LARP1B: variants seen among roughly 807,000 people sequenced by gnomAD.
LARP1B encodes La ribonucleoprotein 1B, also known as la-related protein 1B.
In LARP1B, 76 loss-of-function variants were observed where a neutral mutation model predicts 114.2. That is an observed-to-expected ratio of 0.67 (90% CI 0.55 to 0.81). The LOEUF (loss-of-function observed/expected upper bound fraction) is 0.81, where lower values mean the gene tolerates loss of function less well. Among genes scored for constraint, LARP1B ranks in the 30% least tolerant of loss-of-function variants. The pLI is 0.00. For missense variants in LARP1B, 1,014 were observed against 1,075.8 expected (o/e 0.94, Z 0.80); for synonymous variants, 345 against 348.0 (o/e 0.99, Z 0.10).
At chr4:128,180,948 A>G (rs758664429) in intron 15 of LARP1B, among the ~76,000 whole-genome samples, 1 of 152,144 alleles carries the variant, frequency 6.6e-6, no homozygotes, top group Admixed American at 6.5e-5. Flanking sequence ...AATTATGCCA[A>G]CTTTCTTTAG....
chr4:128,065,327 C>CTTTTCTTT (rs1561012930), intron 1 of LARP1B, among the ~76,000 whole-genome samples: 47 of 113,338 alleles, frequency 4.1e-4, no homozygotes, highest in South Asian at 6.2e-4. Flanking sequence ...CTCTCTCTCT[C>CTTTTCTTT]TCTCTTTCCT....
intron 17 of LARP1B, 142 bp from the exon 18 acceptor site, chr4:128,206,286 C>T (rs1325365962): frequency 7.7e-6 from 4 of 519,266 alleles, no homozygotes; most frequent in African/African-American, 5.9e-5. Context: ...GAGTGAGACT[C>T]TGTCTCAAAA....
chr4:128,132,682 A>T (rs1791948024), intron 11 of LARP1B, among the ~76,000 whole-genome samples: 1 of 152,100 alleles, frequency 6.6e-6, no homozygotes, highest in Admixed American at 6.6e-5. Flanking sequence ...AAAAGACTAC[A>T]TATTGTAGAG....
At position 128,114,584 on chromosome 4, in the gene LARP1B, T is replaced by A. The variant is rs1785178541; in HGVS notation, c.1003T>A (p.Ser335Thr). Residue 335 changes from serine (S) to threonine (T), a missense_variant, in exon 10 of 20, where the codon TCT (serine) becomes ACT (threonine). By Grantham distance (58) the Ser-to-Thr change is moderately conservative (BLOSUM62 1). Transcript: ENST00000326639. The stretch of plus-strand genomic sequence containing the variant: ...TAAAATTTTAGAGTCTGCCCCAAAT[T>A]CTCCAAGAATTGGAAGCCCATTGAG... Reference protein sequence around the residue: ...FCSHTESAPNSPRIGSPLSPK... With the variant: ...FCSHTESAPNTPRIGSPLSPK... The A allele has an allele frequency of 6.2e-7, 1 of 1,611,060 alleles. No homozygotes were observed. The highest frequency in any genetic ancestry group is 8.5e-7 in the Non-Finnish European group (1 of 1,178,860).
intron 12 of LARP1B, among the ~76,000 whole-genome samples, chr4:128,176,218 T>G (rs1416904382): frequency 6.9e-6 from 1 of 144,754 alleles, no homozygotes; most frequent in Non-Finnish European, 1.5e-5. Context: ...TATTTATATA[T>G]AAATTTATAT....
At chr4:128,179,302 C>CA (rs1008388976) in intron 14 of LARP1B, 104 bp from the exon 15 acceptor site, 3 of 618,498 alleles carry the variant, frequency 4.9e-6, no homozygotes, top group Admixed American at 3.5e-5. Context: ...GTGTTATCTA[C>CA]AGTATGAAAA....
chr4:128,140,615 T>C (rs1489935000), intron 11 of LARP1B, among the ~76,000 whole-genome samples: 1 of 152,198 alleles, frequency 6.6e-6, no homozygotes, highest in Non-Finnish European at 1.5e-5. Flanking sequence ...CAGTTGTGTT[T>C]CTGGTAGTTG....
intron 11 of LARP1B, among the ~76,000 whole-genome samples, chr4:128,142,410 G>A (rs1331489782): frequency 6.6e-6 from 1 of 152,144 alleles, no homozygotes; most frequent in Admixed American, 6.6e-5. Context: ...AGAAGCTTAG[G>A]CAGCCTTTAC....
intron 8 of LARP1B, among the ~76,000 whole-genome samples, chr4:128,103,295 A>G (rs1259110214): frequency 6.6e-6 from 1 of 152,074 alleles, no homozygotes; most frequent in East Asian, 1.9e-4. Context: ...TCCCTTTTAA[A>G]TTTATTATTT....
intron 11 of LARP1B, among the ~76,000 whole-genome samples, chr4:128,137,270 CAG>C (rs2150165870): frequency 6.6e-6 from 1 of 152,184 alleles, no homozygotes; most frequent in African/African-American, 2.4e-5. Flanking sequence ...TTCTCAAAGA[CAG>C]AGCAAAAGCA....
Position 128,179,500 on chromosome 4 carries a change from C to A in LARP1B, c.1991C>A (p.Thr664Lys), listed in dbSNP as rs749386817. The A allele has an allele frequency of 3.8e-6, 6 of 1,589,496 alleles. No individual in the cohort carries two copies. The African/African-American group carries it at 8.1e-5, about 21-fold the overall frequency. Residue 664 changes from threonine (T) to lysine (K), a missense_variant, in exon 15 of 20, where the codon ACA becomes AAA. Physicochemically the swap from Thr to Lys is moderately conservative, Grantham distance 78. Coordinates refer to ENST00000326639, the MANE Select transcript of LARP1B (RefSeq NM_018078.4). The stretch of plus-strand genomic sequence containing the variant: ...GATTCCAGAGACCGTGGGCCAGGAA[C>A]ATCCTCTGTCAGGTACTATATTTCT... ...VMDSRDRGPGTSSVSTSNASP... is the reference protein window; with the variant it reads ...VMDSRDRGPGKSSVSTSNASP...
At chr4:128,063,534 C>A (rs529685365) in intron 1 of LARP1B, among the ~76,000 whole-genome samples, 3 of 150,570 alleles carry the variant, frequency 2.0e-5, no homozygotes, top group Non-Finnish European at 4.4e-5. Flanking sequence ...AATCCCAGCA[C>A]TTTGGGAGGC....
At chr4:128,179,371 A>G (rs776383322) in intron 14 of LARP1B, 35 bp from the exon 15 acceptor site, 4 of 1,377,490 alleles carry the variant, frequency 2.9e-6, no homozygotes, top group Non-Finnish European at 4.1e-6. Context: ...CACACTATTG[A>G]AACTAATTGC....
At chr4:128,112,653 C>T (rs886814543) in intron 9 of LARP1B, among the ~76,000 whole-genome samples, 2 of 150,724 alleles carry the variant, frequency 1.3e-5, no homozygotes, top group East Asian at 1.9e-4. Context: ...TTTGTATTTT[C>T]AGTAGGGATG....
intron 15 of LARP1B, among the ~76,000 whole-genome samples, chr4:128,188,915 A>G (rs534473263): frequency 2.0e-5 from 3 of 152,322 alleles, no homozygotes; most frequent in Admixed American, 6.5e-5. Context: ...GTAGCCTAAC[A>G]TATGTTTTAT....
At chr4:128,221,732 T>A (rs1760053723) in intron 7 of LARP1B, among the ~76,000 whole-genome samples, 1 of 152,196 alleles carries the variant, frequency 6.6e-6, no homozygotes. Context: ...AGGTGAGACT[T>A]ATTTTAATGA....
intron 10 of LARP1B, among the ~76,000 whole-genome samples, chr4:128,115,925 C>T (rs915538171): frequency 6.6e-6 from 1 of 152,212 alleles, no homozygotes; most frequent in African/African-American, 2.4e-5. Flanking sequence ...TCCCAGAGTG[C>T]TAGGATTACA....
At chr4:128,087,355 G>A (rs575357579) in intron 5 of LARP1B, among the ~76,000 whole-genome samples, 1 of 152,244 alleles carries the variant, frequency 6.6e-6, no homozygotes, top group East Asian at 1.9e-4. Context: ...GAATGGATAA[G>A]AAGGCCTAAG....
intron 9 of LARP1B, among the ~76,000 whole-genome samples, chr4:128,111,245 A>G (rs1241130786): frequency 6.6e-6 from 1 of 151,800 alleles, no homozygotes; most frequent in Non-Finnish European, 1.5e-5. Context: ...ACGGGGTTTC[A>G]CCATGTTGGT....
Sources: gnomAD v4.1 joint callset for allele counts (sites outside exome capture counted in the v4.1 genomes callset) on GRCh38, gnomAD v4.1.1 for gene constraint, MANE v1.5 for transcripts, NCBI Gene and HGNC (gene_info 2026-07-23, HGNC 2026-07-21) for gene names.